PTPRD: variants seen among roughly 807,000 people sequenced by gnomAD.
PTPRD encodes the protein protein tyrosine phosphatase receptor type D.
A neutral mutation model predicts 214.5 loss-of-function variants in PTPRD; 34 were observed. The ratio of observed to expected loss-of-function variants is 0.16; its 90% confidence interval spans 0.12 to 0.21. The LOEUF is 0.21. Among genes scored for constraint, PTPRD ranks in the 10% least tolerant of loss-of-function variants. PTPRD has a pLI of 1.00. For missense variants in PTPRD, 2,545 were observed against 2,398.7 expected (o/e 1.06, Z -1.27); for synonymous variants, 1,128 against 845.7 (o/e 1.33, Z -5.79).
At chr9:8,492,571 C>CTTTTTTTTTT (rs2097172118) in intron 27 of PTPRD, among the ~76,000 whole-genome samples, 1 of 143,800 alleles carries the variant, frequency 7.0e-6, no homozygotes, top group African/African-American at 2.6e-5. Context: ...TTGATTGCTT[C>CTTTTTTTTTT]ATCCCCAGTG....
intron 3 of PTPRD, among the ~76,000 whole-genome samples, chr9:10,130,523 C>A (rs569225263): frequency 1.0e-3 from 152 of 152,216 alleles, no homozygotes; most frequent in Middle Eastern, 3.4e-3. Context: ...TCTACCTCAT[C>A]TTACCAAATA....
intron 2 of PTPRD, among the ~76,000 whole-genome samples, chr9:10,552,260 C>T (rs2061513268): frequency 6.6e-6 from 1 of 151,696 alleles, no homozygotes; most frequent in Non-Finnish European, 1.5e-5. Context: ...GCTTTTTTAT[C>T]TGTATTAAGA....
intron 10 of PTPRD, among the ~76,000 whole-genome samples, chr9:9,142,118 T>C (rs1289773585): frequency 1.3e-5 from 2 of 152,252 alleles, no homozygotes; most frequent in Admixed American, 6.5e-5. Flanking sequence ...TCTGCAGTTC[T>C]GCAAAACAAG....
intron 8 of PTPRD, among the ~76,000 whole-genome samples, chr9:9,555,708 C>A (rs1319861641): frequency 6.6e-6 from 1 of 151,998 alleles, no homozygotes; most frequent in Non-Finnish European, 1.5e-5. Context: ...GTCCTGATTT[C>A]TTATGTTTCT....
intron 3 of PTPRD, among the ~76,000 whole-genome samples, chr9:10,181,783 C>T (rs894621310): frequency 1.3e-5 from 2 of 149,736 alleles, no homozygotes; most frequent in Non-Finnish European, 3.0e-5. Context: ...AAAAAAAAAA[C>T]TGACCTCATG....
chr9:10,309,407 T>TA (rs1411107230), intron 3 of PTPRD, among the ~76,000 whole-genome samples: 1 of 151,924 alleles, frequency 6.6e-6, no homozygotes, highest in Admixed American at 6.6e-5. Flanking sequence ...GGCTGAAGTG[T>TA]AATGGCACAA....
chr9:8,972,791 AT>A (rs2099246362), intron 11 of PTPRD, among the ~76,000 whole-genome samples: 1 of 151,926 alleles, frequency 6.6e-6, no homozygotes, highest in African/African-American at 2.4e-5. Context: ...CATTTAATGA[AT>A]GGAAATCTAC....
chr9:9,973,635 C>G (rs2095238708), intron 4 of PTPRD, among the ~76,000 whole-genome samples: 1 of 152,080 alleles, frequency 6.6e-6, no homozygotes, highest in Admixed American at 6.5e-5. Flanking sequence ...CTGTAAAGAC[C>G]AAGTACATGG....
At chr9:9,866,816 T>A (rs575667852) in intron 5 of PTPRD, among the ~76,000 whole-genome samples, 1 of 152,242 alleles carries the variant, frequency 6.6e-6, no homozygotes, top group South Asian at 2.1e-4. Flanking sequence ...CTAAGTTTAA[T>A]GCCTAAACAC....
intron 3 of PTPRD, among the ~76,000 whole-genome samples, chr9:10,084,111 A>T (rs2098288688): frequency 6.6e-6 from 1 of 152,034 alleles, no homozygotes; most frequent in South Asian, 2.1e-4. Flanking sequence ...CTCCTAGGTT[A>T]TAAGTACTAA....
chr9:10,003,528 T>A (rs2096388024), intron 4 of PTPRD, among the ~76,000 whole-genome samples: 1 of 151,492 alleles, frequency 6.6e-6, no homozygotes, highest in African/African-American at 2.4e-5. Flanking sequence ...GTATAAGAGA[T>A]AGTGAAACTA....
intron 3 of PTPRD, among the ~76,000 whole-genome samples, chr9:10,201,867 TGTTAAATTTGAGAG>T (rs1316549421): frequency 6.6e-6 from 1 of 151,886 alleles, no homozygotes; most frequent in Non-Finnish European, 1.5e-5. Flanking sequence ...TCTTAACAGT[TGTTAAATTTGAGAG>T]GTACAATTTT....
chr9:8,652,094 C>T (rs1168599931), intron 12 of PTPRD, among the ~76,000 whole-genome samples: 1 of 152,132 alleles, frequency 6.6e-6, no homozygotes, highest in African/African-American at 2.4e-5. Context: ...TAACTTTTTC[C>T]CCTGTCCTCT....
At chr9:8,768,488 G>C (rs1327924785) in intron 11 of PTPRD, among the ~76,000 whole-genome samples, 1 of 152,154 alleles carries the variant, frequency 6.6e-6, no homozygotes, top group South Asian at 2.1e-4. Flanking sequence ...CAGAGGAGGA[G>C]GCTGCAGTGA....
At chr9:9,957,198 C>T (rs540099533) in intron 4 of PTPRD, among the ~76,000 whole-genome samples, 24 of 152,114 alleles carry the variant, frequency 1.6e-4, no homozygotes, top group Non-Finnish European at 2.1e-4. Context: ...TGATCCAGAG[C>T]TACTAACATC....
chr9:10,219,861 A>G (rs2099558823), intron 3 of PTPRD, among the ~76,000 whole-genome samples: 1 of 151,852 alleles, frequency 6.6e-6, no homozygotes, highest in African/African-American at 2.4e-5. Flanking sequence ...AAAATAATGA[A>G]CAAAGCCAGA....
At chr9:10,436,970 T>C (rs1373210889) in intron 2 of PTPRD, among the ~76,000 whole-genome samples, 2 of 151,824 alleles carry the variant, frequency 1.3e-5, no homozygotes, top group African/African-American at 4.8e-5. Context: ...TAAGTGTCAA[T>C]GTGTGGGCTG....
chr9:9,215,317 G>C (rs2099951459), intron 9 of PTPRD, among the ~76,000 whole-genome samples: 1 of 152,106 alleles, frequency 6.6e-6, no homozygotes. Context: ...CACCGGGAAA[G>C]TTATGGAGCT....
chr9:10,011,129 G>A (rs555641273), intron 4 of PTPRD, among the ~76,000 whole-genome samples: 1 of 151,946 alleles, frequency 6.6e-6, no homozygotes, highest in East Asian at 1.9e-4. Context: ...CCTGTAGAAG[G>A]CAATTATTTT....
Sources: gnomAD v4.1 joint callset for allele counts (sites outside exome capture counted in the v4.1 genomes callset) on GRCh38, gnomAD v4.1.1 for gene constraint, MANE v1.5 for transcripts, NCBI Gene and HGNC (gene_info 2026-07-23, HGNC 2026-07-21) for gene names.